TSHR: variants seen among roughly 807,000 people sequenced by gnomAD.
TSHR encodes thyroid stimulating hormone receptor, also known as thyrotropin receptor.
TSHR carries 51 observed loss-of-function variants against 64.1 expected under a neutral mutation model. That is an observed-to-expected ratio of 0.80 (90% CI 0.64 to 1.01). TSHR has a LOEUF of 1.01. Ranked by LOEUF, TSHR falls within the 50% of genes least tolerant of loss-of-function variation. The probability of loss-of-function intolerance (pLI) is 0.00; values close to 1 mark genes in which losing one functional copy is unlikely to be tolerated. For synonymous variants in TSHR, 361 were observed against 361.9 expected (o/e 1.00, Z 0.03); for missense variants, 877 against 942.8 (o/e 0.93, Z 0.91).
At chr14:81,074,830 G>C (rs1193820458) in intron 3 of TSHR, among the ~76,000 whole-genome samples, 3 of 152,086 alleles carry the variant, frequency 2.0e-5, no homozygotes, top group Non-Finnish European at 4.4e-5. Flanking sequence ...CTGTGATTTG[G>C]TAAATAGAAA....
intron 1 of TSHR, among the ~76,000 whole-genome samples, chr14:81,029,868 G>A (rs117555733): frequency 3.2e-3 from 482 of 152,256 alleles, no homozygotes; most frequent in Non-Finnish European, 3.7e-3. Context: ...AAGCCTCAGC[G>A]CTATAAAAAT....
rs749925301 is a variant in TSHR at position 81,092,522 on chromosome 14, C to T, written c.468-9C>T. On this transcript the variant is annotated splice_polypyrimidine_tract_variant and intron_variant, in intron 5 of 9. Coordinates refer to ENST00000298171, the MANE Select transcript of TSHR (RefSeq NM_000369.5). ...TTTCATTAAGTGTTTTTGTCCCTCT[C>T]TCTTGCAGTGAAATTACAGACAACC... The T allele has an allele frequency of 5.0e-6, 8 of 1,613,848 alleles. No homozygotes were observed. The highest frequency in any genetic ancestry group is 8.5e-7 in the Non-Finnish European group (1 of 1,179,858).
At chr14:81,043,325 C>T (rs899046128) in intron 1 of TSHR, among the ~76,000 whole-genome samples, 3 of 152,050 alleles carry the variant, frequency 2.0e-5, no homozygotes, top group African/African-American at 7.2e-5. Flanking sequence ...CACGAATGAA[C>T]TCCCATTCAC....
At chr14:80,999,621 A>AT (rs946555597) in intron 1 of TSHR, among the ~76,000 whole-genome samples, 1 of 152,200 alleles carries the variant, frequency 6.6e-6, no homozygotes, top group South Asian at 2.1e-4. Flanking sequence ...CTAAAAGTGG[A>AT]TTTTTTTCCA....
At chr14:81,032,811 G>A (rs2192727) in intron 1 of TSHR, 101,516 of 401,892 alleles carry the variant, frequency 0.25, 13,342 homozygotes, top group South Asian at 0.33. Flanking sequence ...GTGGATAGAG[G>A]CTGTTAAGAT....
chr14:81,102,941 T>C (rs1889679889), intron 7 of TSHR: 1 of 985,236 alleles, frequency 1.0e-6, no homozygotes, highest in Non-Finnish European at 1.2e-6. Flanking sequence ...TTTTAATCAG[T>C]ATTTTGAATC....
At chr14:81,093,612 C>G (rs1888930141) in intron 6 of TSHR, 1 of 152,288 alleles carries the variant, frequency 6.6e-6, no homozygotes, top group South Asian at 2.1e-4. Flanking sequence ...TCATACAGTT[C>G]TTCTAAGGGG....
At chr14:81,114,378 G>A (rs1051575867) in intron 8 of TSHR, among the ~76,000 whole-genome samples, 8 of 152,338 alleles carry the variant, frequency 5.3e-5, no homozygotes, top group East Asian at 1.9e-4. Flanking sequence ...AAGCGCAAGC[G>A]GTCAGGGAGT....
chr14:81,067,483 TTATATATATA>T (rs71103896), intron 2 of TSHR, among the ~76,000 whole-genome samples: 1 of 134,976 alleles, frequency 7.4e-6, no homozygotes, highest in Non-Finnish European at 1.6e-5. Flanking sequence ...GTTTATAGTT[TTATATATATA>T]TATATATATA....
In TSHR at chr14:81,037,872, ATAG is replaced by A. The variant is rs544177584; in HGVS notation, c.171-24272_171-24270del. ...GAGTGATACAGACTGCAATACAATA[ATAG>A]TAGGAGATTTCAACACCCTACTTTC... On this transcript the variant is annotated intron_variant, in intron 1 of 9. Transcript: ENST00000298171. Among the ~76,000 whole-genome samples the A allele has an allele frequency of 5.4e-3, 818 of 151,860 alleles. 10 individuals carry two copies. The highest frequency in any genetic ancestry group is 0.031 in the Middle Eastern group (9 of 292).
intron 1 of TSHR, among the ~76,000 whole-genome samples, chr14:81,022,689 C>T (rs1247007783): frequency 1.3e-5 from 2 of 151,566 alleles, no homozygotes; most frequent in African/African-American, 4.9e-5. Context: ...GGCATGGTGG[C>T]ACATACCTGT....
Position 81,115,405 on chromosome 14 carries a change from T to A in TSHR, c.692+6953T>A, listed in dbSNP as rs4903972. Among the ~76,000 whole-genome samples, 3 of 141,012 alleles carry A rather than the reference T, an allele frequency of 2.1e-5. 1 individual carries two copies. Among genetic ancestry groups the A allele is most frequent in the African/African-American group, 8.8e-5 (3 of 34,212 alleles). The allele number at this position is 141,012 out of a possible 152,430, so 92.5% of individuals were successfully genotyped here. A position where few individuals can be genotyped will look rare whatever the true frequency, so the allele number is the denominator to read the frequency against. ...AATGCAGAAGCCTCAGGAGCCGATG[T>A]GATCAACTGGAAGAAAGGGTATCAG... On this transcript the variant is annotated intron_variant, in intron 8 of 9. Transcript: ENST00000298171.
rs1174635270 is a variant in TSHR, at chr14:81,002,781, C to CT, written c.170+46957dup. 1.9e-3 allele frequency among the ~76,000 whole-genome samples: 86 copies of CT among 44,296 alleles called. 4 individuals are homozygous for CT. The highest frequency in any genetic ancestry group is 5.3e-3 in the African/African-American group (54 of 10,214). 29.1% of individuals were successfully genotyped at this position (44,296 alleles called of 152,430 possible). On this transcript the variant is annotated intron_variant, in intron 1 of 9. Transcript: ENST00000298171. Reference sequence around the variant, plus strand: ...TCTCTCATTAAGGTCCCTAATGCCTCTTTTTTTTTTTTTTTTTTTTTTTTT... The same window carrying CT: ...TCTCTCATTAAGGTCCCTAATGCCTCTTTTTTTTTTTTTTTTTTTTTTTTTT...
intron 7 of TSHR, among the ~76,000 whole-genome samples, chr14:81,102,188 A>C (rs1048049517): frequency 5.3e-5 from 8 of 151,908 alleles, no homozygotes; most frequent in African/African-American, 9.7e-5. Context: ...AAAAAAAAAA[A>C]AAAACTAAAC....
At chr14:81,073,469 G>A (rs2139926650) in intron 3 of TSHR, among the ~76,000 whole-genome samples, 1 of 152,174 alleles carries the variant, frequency 6.6e-6, no homozygotes, top group South Asian at 2.1e-4. Flanking sequence ...TTGACCACAT[G>A]TGGGGCCATA....
At chr14:81,092,237 C>G (rs1184191575) in intron 5 of TSHR, among the ~76,000 whole-genome samples, 2 of 152,028 alleles carry the variant, frequency 1.3e-5, no homozygotes, top group Non-Finnish European at 2.9e-5. Context: ...TCGGGAGAAG[C>G]CTCTCAAATC....
intron 1 of TSHR, among the ~76,000 whole-genome samples, chr14:81,059,917 A>C (rs1886110163): frequency 6.6e-6 from 1 of 152,174 alleles, no homozygotes; most frequent in African/African-American, 2.4e-5. Context: ...GAGAGAATTC[A>C]AGAAACAGGT....
intron 7 of TSHR, among the ~76,000 whole-genome samples, chr14:81,097,036 T>C (rs1889252666): frequency 6.6e-6 from 1 of 152,134 alleles, no homozygotes; most frequent in African/African-American, 2.4e-5. Flanking sequence ...GTGGTTTCTC[T>C]TTTAGTCCTT....
chr14:81,104,739 CTTCCCT>C, intron 7 of TSHR: 1 of 945,252 alleles, frequency 1.1e-6, no homozygotes, highest in Non-Finnish European at 1.3e-6. Context: ...CTGCATTGGT[CTTCCCT>C]AACTGTGAAC....
Sources: allele counts gnomAD v4.1 joint callset (sites outside exome capture counted in the v4.1 genomes callset), GRCh38; gene constraint gnomAD v4.1.1; transcripts MANE v1.5; gene names NCBI Gene and HGNC (gene_info 2026-07-23, HGNC 2026-07-21).